TLDC2: variants seen among roughly 807,000 people sequenced by gnomAD.
TLDC2 encodes TLD domain-containing protein 2.
TLDC2 carries 23 observed loss-of-function variants against 27.9 expected under a neutral mutation model. The ratio of observed to expected loss-of-function variants is 0.82; its 90% CI spans 0.59 to 1.17. The LOEUF is 1.17. Ranked by LOEUF, TLDC2 falls within the 50% of genes most tolerant of loss-of-function variation. The pLI, the probability that TLDC2 is intolerant of heterozygous loss-of-function variation, is 0.00. For synonymous variants in TLDC2, 124 were observed against 107.4 expected (o/e 1.16, Z -0.96); for missense variants, 286 against 273.4 (o/e 1.05, Z -0.32).
rs772164306 is a variant in TLDC2, at chr20:36,889,320, C to A, written c.582C>A (p.Asn194Lys). 6.2e-7 allele frequency: 1 copy of A among 1,614,210 alleles called. No homozygotes were observed. Among genetic ancestry groups the A allele is most frequent in the South Asian group, 1.1e-5 (1 of 91,086 alleles). Residue 194 changes from asparagine (N) to lysine (K), a missense_variant, in exon 6 of 7, where the codon AAC becomes AAA. Transcript: ENST00000217320. ...GAAGCTCCCCTTGCCCGACCTTCAA[C>A]AACGAGGTGCTGGCCCGGCAGGAGC... ...RGGSSPCPTFNNEVLARQEQF... is the reference protein window; with the variant it reads ...RGGSSPCPTFKNEVLARQEQF...
intron 4 of TLDC2, among the ~76,000 whole-genome samples, chr20:36,885,459 G>A (rs774258344): frequency 2.0e-5 from 3 of 152,078 alleles, no homozygotes; most frequent in Non-Finnish European, 2.9e-5. Flanking sequence ...TCGGTAGTTC[G>A]TTGATTGCTA....
At chr20:36,881,527 C>T (rs957323169) in intron 4 of TLDC2, among the ~76,000 whole-genome samples, 2 of 152,196 alleles carry the variant, frequency 1.3e-5, no homozygotes, top group Non-Finnish European at 2.9e-5. Flanking sequence ...GTGTGAGTGG[C>T]GGCTTGGGTT....
Position 36,892,935 on chromosome 20 carries a change from C to T in TLDC2, c.*91C>T. 2 of 1,613,894 alleles carry T rather than the reference C, an allele frequency of 1.2e-6. No individual in the cohort carries two copies. Among genetic ancestry groups the T allele is most frequent in the African/African-American group, 1.3e-5 (1 of 74,928 alleles). On this transcript the variant is annotated 3_prime_UTR_variant, in exon 7 of 7. Coordinates refer to ENST00000217320, the MANE Select transcript of TLDC2 (RefSeq NM_080628.3). ...GTAAACAACTGACTACAGACATTCA[C>T]ATTGGGTCATCTTTAAAAAGCTGGA...
At chr20:36,877,610 G>C (rs960752650) in intron 1 of TLDC2, among the ~76,000 whole-genome samples, 7 of 152,110 alleles carry the variant, frequency 4.6e-5, no homozygotes, top group African/African-American at 1.2e-4. Context: ...CAAACAGACC[G>C]ACAAGTCGCA....
Position 36,887,457 on chromosome 20 carries a change from C to G in TLDC2, c.441C>G (p.Val147=). The stretch of plus-strand genomic sequence containing the variant: ...GCCTTTCCCTATGTATCACCCAGGT[C>G]TTTAAGTGGACTGGAAGCAACTCTT... ...FLFSFSPQLK[V]FKWTGSNSFF... Residue 147 remains valine (V), a splice_region_variant and synonymous_variant, in exon 5 of 7, where the codon GTC becomes GTG. Coordinates refer to ENST00000217320, the MANE Select transcript of TLDC2 (RefSeq NM_080628.3). 6.2e-7 allele frequency: 1 copy of G among 1,613,948 alleles called. No individual in the cohort carries two copies. The highest frequency in any genetic ancestry group is 8.5e-7 in the Non-Finnish European group (1 of 1,179,838).
intron 6 of TLDC2, chr20:36,892,173 C>T (rs1182188808): frequency 1.3e-5 from 2 of 152,558 alleles, no homozygotes; most frequent in Admixed American, 6.5e-5. Context: ...ACGAAGAGGC[C>T]AGAGCTCTCA....
chr20:36,882,518 T>C (rs993582768), intron 4 of TLDC2, among the ~76,000 whole-genome samples: 49 of 151,606 alleles, frequency 3.2e-4, no homozygotes, highest in Middle Eastern at 3.4e-3. Flanking sequence ...CAGAGTGAGA[T>C]GCTGTCTCTT....
intron 5 of TLDC2, 125 bp from the exon 6 acceptor site, chr20:36,889,126 G>A: frequency 7.3e-7 from 1 of 1,369,768 alleles, no homozygotes; most frequent in Non-Finnish European, 1.0e-6. Flanking sequence ...ATTGCTTTAA[G>A]GGGCGATAAG....
intron 4 of TLDC2, among the ~76,000 whole-genome samples, chr20:36,884,801 T>C (rs1455047922): frequency 8.3e-6 from 1 of 120,720 alleles, no homozygotes; most frequent in Non-Finnish European, 1.7e-5. Context: ...ATAAATAAAA[T>C]GACAACACCC....
At position 36,887,446 on chromosome 20, in the gene TLDC2, A is replaced by T. The variant is rs1304273075; in HGVS notation, c.439-9A>T. 1 of 1,613,192 alleles carries T rather than the reference A, an allele frequency of 6.2e-7. No homozygotes were observed. ...TAGTAACCTGAGCCTTTCCCTATGT[A>T]TCACCCAGGTCTTTAAGTGGACTGG... is the stretch of plus-strand genomic sequence containing the variant. On this transcript the variant is annotated splice_polypyrimidine_tract_variant and intron_variant, in intron 4 of 6. Transcript: ENST00000217320.
chr20:36,889,210 C>T, intron 5 of TLDC2, 41 bp from the exon 6 acceptor site: 1 of 1,605,194 alleles, frequency 6.2e-7, no homozygotes, highest in African/African-American at 1.3e-5. Context: ...GGTTTCAGCA[C>T]ACAGGAGTGA....
intron 2 of TLDC2, 57 bp from the exon 3 acceptor site, chr20:36,878,984 G>A: frequency 1.2e-6 from 2 of 1,613,360 alleles, no homozygotes; most frequent in Admixed American, 1.7e-5. Flanking sequence ...CCACCCCCAG[G>A]ATATGGCAGG....
Position 36,894,180 on chromosome 20 carries a change from T to C in TLDC2, c.*1336T>C. The C allele has an allele frequency of 5.2e-6, 2 of 383,884 alleles. No individual in the cohort carries two copies. The highest frequency in any genetic ancestry group is 9.2e-6 in the Non-Finnish European group (2 of 217,634). The allele number at this position is 383,884 out of a possible 1,614,324, so 23.8% of individuals were successfully genotyped here. On this transcript the variant is annotated 3_prime_UTR_variant, in exon 7 of 7. Coordinates refer to ENST00000217320, the MANE Select transcript of TLDC2 (RefSeq NM_080628.3). The stretch of plus-strand genomic sequence containing the variant: ...TCTCACCCCCATGTTAAATTTTTTC[T>C]GTTGAACTACACTGGATCTGACTTG...
chr20:36,877,510 A>G (rs573265489), intron 1 of TLDC2, among the ~76,000 whole-genome samples: 45 of 152,292 alleles, frequency 3.0e-4, no homozygotes, highest in Admixed American at 5.2e-4. Flanking sequence ...AAACACACAC[A>G]ATTGAAGCTC....
At chr20:36,878,709 T>A (rs1007428497) in intron 2 of TLDC2, among the ~76,000 whole-genome samples, 2 of 152,000 alleles carry the variant, frequency 1.3e-5, no homozygotes, top group African/African-American at 4.8e-5. Flanking sequence ...TCCTATTCTC[T>A]AGCCTCTGGG....
chr20:36,893,549 G>C lies in TLDC2; in HGVS notation c.*705G>C. 2 of 278,480 alleles carry C rather than the reference G, an allele frequency of 7.2e-6. No individual in the cohort carries two copies. Among genetic ancestry groups the C allele is most frequent in the Non-Finnish European group, 1.3e-5 (2 of 150,500 alleles). 17.3% of individuals were successfully genotyped at this position (278,480 alleles called of 1,614,324 possible). On this transcript the variant is annotated 3_prime_UTR_variant, in exon 7 of 7. Transcript: ENST00000217320. Reference sequence around the variant, plus strand: ...CAAAGCTCTAACGTTGGTCCCATCAGCATAGGCTCCAGCCAAAGAAGCTCC... The same window carrying C: ...CAAAGCTCTAACGTTGGTCCCATCACCATAGGCTCCAGCCAAAGAAGCTCC...
intron 4 of TLDC2, among the ~76,000 whole-genome samples, chr20:36,883,218 C>T (rs1378026206): frequency 6.6e-6 from 1 of 151,884 alleles, no homozygotes; most frequent in Non-Finnish European, 1.5e-5. Context: ...CTCACCACAA[C>T]CTCCACCTCC....
intron 2 of TLDC2, among the ~76,000 whole-genome samples, chr20:36,878,302 C>T (rs1412769180): frequency 2.6e-5 from 4 of 152,156 alleles, no homozygotes; most frequent in South Asian, 2.1e-4. Context: ...GAGGCTAGGA[C>T]GGGCGCGGTG....
chr20:36,881,226 G>A (rs146822402), intron 4 of TLDC2, among the ~76,000 whole-genome samples: 5 of 152,050 alleles, frequency 3.3e-5, no homozygotes, highest in East Asian at 1.9e-4. Flanking sequence ...CAAAAAATAC[G>A]AAAATTAGCC....
Sources: allele counts gnomAD v4.1 joint callset (sites outside exome capture counted in the v4.1 genomes callset), GRCh38; gene constraint gnomAD v4.1.1; transcripts MANE v1.5; gene names NCBI Gene and HGNC (gene_info 2026-07-23, HGNC 2026-07-21).